The following RHBDF2 variants were observed in gnomAD, a reference collection of about 807,000 sequenced individuals.
The protein encoded by RHBDF2 is rhomboid 5 homolog 2.
In RHBDF2, 38 loss-of-function variants were observed where a neutral mutation model predicts 95.2. The ratio of observed to expected loss-of-function variants is 0.40; its 90% CI spans 0.31 to 0.52. RHBDF2 has a LOEUF of 0.52. Among genes scored for constraint, RHBDF2 ranks in the 20% least tolerant of loss-of-function variants. RHBDF2 has a pLI of 0.56. For missense variants in RHBDF2, 863 were observed against 1,137.7 expected (o/e 0.76, Z 3.47); for synonymous variants, 442 against 462.0 (o/e 0.96, Z 0.55).
intron 1 of RHBDF2, among the ~76,000 whole-genome samples, chr17:76,495,297 G>A (rs148689679): frequency 4.6e-5 from 7 of 152,288 alleles, no homozygotes; most frequent in African/African-American, 7.2e-5. Context: ...GGCCATTTCC[G>A]TTTGTGACTG....
rs1329493016 is a variant in RHBDF2, at chr17:76,471,482, C to T, written c.*151G>A. On this transcript the variant is annotated 3_prime_UTR_variant, in exon 19 of 19. Coordinates refer to ENST00000675367, the MANE Select transcript of RHBDF2 (RefSeq NM_001005498.4). ...AACCAACCATCTCACGCGGAGTCAG[C>T]CTCGCCTGGCAGGGGGGCACCCAGG... 4.7e-6 allele frequency: 4 copies of T among 848,850 alleles called. No individual in the cohort carries two copies. The East Asian group carries it at 1.1e-4, about 23-fold the overall frequency. The allele number at this position is 848,850 out of a possible 1,614,324, so 52.6% of individuals were successfully genotyped here.
intron 9 of RHBDF2, chr17:76,476,331 TCTTTTA>T (rs2073772324): frequency 6.5e-6 from 1 of 153,008 alleles, no homozygotes. Flanking sequence ...CCCAGCTTCT[TCTTTTA>T]AAGTAGAGGT....
Position 76,475,147 on chromosome 17 carries a change from C to T in RHBDF2, c.1116-6G>A, listed in dbSNP as rs1411033604. On this transcript the variant is annotated splice_polypyrimidine_tract_variant and splice_region_variant and intron_variant, in intron 9 of 18. Transcript: ENST00000675367. ...GCCAGTAGGTGAAGTAGGGCCTGTG[C>T]AGAGACACCTCGGGTCAGCTGAGCC... 1 of 1,577,580 alleles carries T rather than the reference C, an allele frequency of 6.3e-7. No individual in the cohort carries two copies. Among genetic ancestry groups the T allele is most frequent in the East Asian group, 2.3e-5 (1 of 43,778 alleles).
At chr17:76,481,353 GC>G in intron 3 of RHBDF2, 21 bp downstream of exon 3, 1 of 1,599,090 alleles carries the variant, frequency 6.3e-7, no homozygotes. Flanking sequence ...AGAACAGTGA[GC>G]CCCCAGGCCA....
intron 9 of RHBDF2, 27 bp from the exon 10 acceptor site, chr17:76,475,168 G>T (rs756134979): frequency 1.3e-6 from 2 of 1,522,780 alleles, no homozygotes; most frequent in African/African-American, 2.7e-5. Flanking sequence ...CGGGTCAGCT[G>T]AGCCGAGCTC....
chr17:76,481,719 C>T (rs1265280384), intron 2 of RHBDF2, 174 bp from the exon 3 acceptor site: 1 of 496,028 alleles, frequency 2.0e-6, no homozygotes, highest in Non-Finnish European at 3.6e-6. Context: ...CTTTGGGAGG[C>T]CGAGGTGGGG....
intron 1 of RHBDF2, among the ~76,000 whole-genome samples, chr17:76,496,153 G>A (rs746735271): frequency 3.3e-5 from 5 of 152,190 alleles, no homozygotes; most frequent in South Asian, 2.1e-4. Flanking sequence ...GCCCCACCAC[G>A]GAGGGAGCCA....
At chr17:76,472,542 A>G in intron 18 of RHBDF2, 144 bp downstream of exon 18, 1 of 1,031,900 alleles carries the variant, frequency 9.7e-7, no homozygotes, top group Non-Finnish European at 1.5e-6. Context: ...CCAGCCAGTA[A>G]GCCCCCAGAT....
chr17:76,493,130 C>G (rs989311822), intron 1 of RHBDF2: 2 of 152,392 alleles, frequency 1.3e-5, no homozygotes, highest in Admixed American at 1.3e-4. Context: ...CACGTCTTCG[C>G]GGCTGAATCA....
In RHBDF2 at chr17:76,476,945, C is replaced by T; in HGVS notation, c.1000G>A (p.Asp334Asn). ...AGGCCGTAGTGCCGCTTCTTCCGAT[C>T]AAAGGCAAAGTGCTTCACCTTGGAG... is the stretch of plus-strand genomic sequence containing the variant. ...IASKVKHFAFDRKKRHYGLGV... is the reference protein window; with the variant it reads ...IASKVKHFAFNRKKRHYGLGV... The change falls in exon 9 of 19, where the codon GAT becomes AAT. Residue 334 changes from aspartate (D) to asparagine (N), a missense_variant. Around this residue, in one of 2 missense-constraint regions of RHBDF2, gnomAD observed 611 missense variants for 725.5 expected, o/e 0.84. Coordinates refer to ENST00000675367, the MANE Select transcript of RHBDF2 (RefSeq NM_001005498.4). 1 of 1,613,984 alleles carries T rather than the reference C, an allele frequency of 6.2e-7. No individual in the cohort carries two copies. Among genetic ancestry groups the T allele is most frequent in the Non-Finnish European group, 8.5e-7 (1 of 1,180,048 alleles).
chr17:76,483,824 G>T (rs2144253565), intron 2 of RHBDF2, among the ~76,000 whole-genome samples: 1 of 152,286 alleles, frequency 6.6e-6, no homozygotes, highest in African/African-American at 2.4e-5. Context: ...AGTGGCTGTT[G>T]CCCAGTACCC....
rs1169355975 is a variant in RHBDF2, at chr17:76,487,828, A to T, written c.-138T>A. 1.3e-5 allele frequency: 2 copies of T among 152,334 alleles called. No individual in the cohort carries two copies. The highest frequency in any genetic ancestry group is 4.8e-5 in the African/African-American group (2 of 41,428). The allele number at this position is 152,334 out of a possible 1,614,324, so 9.4% of individuals were successfully genotyped here. On this transcript the variant is annotated 5_prime_UTR_variant, in exon 2 of 19. Coordinates refer to ENST00000675367, the MANE Select transcript of RHBDF2 (RefSeq NM_001005498.4). ...TCCGGTGTCAAGCCTCAGTCTGTGG[A>T]AGGGTGGCTGGACAGACAGGTGGCT...
intron 1 of RHBDF2, among the ~76,000 whole-genome samples, chr17:76,497,520 C>T (rs542038159): frequency 9.9e-5 from 15 of 152,244 alleles, no homozygotes; most frequent in Admixed American, 3.9e-4. Context: ...TCCTTGACAG[C>T]CCACGAGGCA....
chr17:76,479,638 A>G (rs2073887247), intron 4 of RHBDF2, 95 bp downstream of exon 4: 2 of 922,478 alleles, frequency 2.2e-6, no homozygotes, highest in African/African-American at 3.2e-5. Flanking sequence ...CCTTCCAGAG[A>G]GGGGACGCAG....
rs541445182 is a variant in RHBDF2, at chr17:76,477,755, G to A, written c.703C>T (p.Arg235Trp). ...AAGCTGCGCTTGACCACCCGGCACCGCTGTCCGGTGGCATCCAGCACCGAG... is the reference window on the plus strand; with the variant it reads ...AAGCTGCGCTTGACCACCCGGCACCACTGTCCGGTGGCATCCAGCACCGAG... ...GRSVLDATGQ[R>W]CRVVKRSFAF... Residue 235 changes from arginine to tryptophan, a missense_variant, in exon 7 of 19, where the codon CGG becomes TGG. By Grantham distance (101) the Arg-to-Trp change is moderately radical (BLOSUM62 -3). Transcript: ENST00000675367. The A allele has an allele frequency of 4.2e-5, 67 of 1,612,982 alleles. No homozygotes were observed. The highest frequency in any genetic ancestry group is 4.0e-4 in the East Asian group (18 of 44,884).
rs747067902 is a variant in RHBDF2, at chr17:76,481,563, A to C, written c.-21-18T>G. ...CGGGAGGGCTGGAATGGAGACCGGG[A>C]GAGCAGCGGTGGGCGGTGCGGGGTG... On this transcript the variant is annotated intron_variant, in intron 2 of 18. Transcript: ENST00000675367. 2.3e-5 allele frequency: 36 copies of C among 1,593,958 alleles called. No homozygotes were observed. The highest frequency in any genetic ancestry group is 2.9e-5 in the Non-Finnish European group (34 of 1,174,462).
intron 9 of RHBDF2, among the ~76,000 whole-genome samples, chr17:76,475,656 C>T (rs1337842585): frequency 2.0e-5 from 3 of 151,796 alleles, no homozygotes; most frequent in Non-Finnish European, 2.9e-5. Flanking sequence ...GATCTCAGCT[C>T]ACTGCAACCT....
intron 3 of RHBDF2, 146 bp downstream of exon 3, chr17:76,481,229 G>GGGT: frequency 1.1e-6 from 1 of 884,604 alleles, no homozygotes; most frequent in Admixed American, 2.6e-5. Context: ...AGGAAGGAGG[G>GGGT]GGTAGGGCCC....
chr17:76,471,552 CAG>C lies in RHBDF2; in HGVS notation c.*79_*80del. 7.0e-7 allele frequency: 1 copy of C among 1,419,224 alleles called. No individual in the cohort carries two copies. Among genetic ancestry groups the C allele is most frequent in the East Asian group, 2.5e-5 (1 of 40,152 alleles). 87.9% of individuals were successfully genotyped at this position (1,419,224 alleles called of 1,614,324 possible). ...CTTGGGTCTCTGGCTCTCTGGCACA[CAG>C]AGAGCGCTCTGCAGAGGGCAGCCCT... On this transcript the variant is annotated 3_prime_UTR_variant, in exon 19 of 19. Coordinates refer to ENST00000675367, the MANE Select transcript of RHBDF2 (RefSeq NM_001005498.4).
Sources: allele counts gnomAD v4.1 joint callset (sites outside exome capture counted in the v4.1 genomes callset), GRCh38; gene constraint gnomAD v4.1.1; regional missense constraint gnomAD v4.1.1; transcripts MANE v1.5; gene names NCBI Gene and HGNC (gene_info 2026-07-23, HGNC 2026-07-21).